NBEA: variants seen among roughly 807,000 people sequenced by gnomAD.
NBEA encodes lysosomal-trafficking regulator 2.
Under a neutral mutation model 343.4 loss-of-function variants are expected in NBEA, and 44 were observed. The observed-to-expected ratio is 0.13, with a 90% confidence interval of 0.10 to 0.16. The LOEUF (loss-of-function observed/expected upper bound fraction) is 0.16, where lower values mean the gene tolerates loss of function less well. Among genes scored for constraint, NBEA ranks in the 10% least tolerant of loss-of-function variants. The pLI is 1.00. For missense variants in NBEA, 2,555 were observed against 3,631.3 expected (o/e 0.70, Z 7.62); for synonymous variants, 1,175 against 1,238.7 (o/e 0.95, Z 1.08).
chr13:35,004,212 C>G (rs1015398428), intron 1 of NBEA, among the ~76,000 whole-genome samples: 2 of 152,074 alleles, frequency 1.3e-5, no homozygotes, highest in African/African-American at 4.8e-5. Flanking sequence ...CATGTCTTTG[C>G]TATTGTGAAT....
At chr13:35,595,382 C>G (rs979489957) in intron 47 of NBEA, among the ~76,000 whole-genome samples, 1 of 151,968 alleles carries the variant, frequency 6.6e-6, no homozygotes, top group Non-Finnish European at 1.5e-5. Context: ...ATAAGAAGCT[C>G]ATTTCCCCAG....
At chr13:35,353,073 A>G (rs948668178) in intron 38 of NBEA, among the ~76,000 whole-genome samples, 3 of 152,180 alleles carry the variant, frequency 2.0e-5, no homozygotes, top group Non-Finnish European at 4.4e-5. Context: ...GGCAGAGTTT[A>G]TTAAATCTGT....
intron 17 of NBEA, among the ~76,000 whole-genome samples, chr13:35,134,557 A>C (rs1183114891): frequency 6.6e-6 from 1 of 152,030 alleles, no homozygotes; most frequent in African/African-American, 2.4e-5. Flanking sequence ...AGAAAATAAA[A>C]GAAAAATTAG....
intron 3 of NBEA, 54 bp downstream of exon 3, chr13:35,045,101 G>A (rs2062800932): frequency 4.1e-6 from 6 of 1,470,286 alleles, no homozygotes; most frequent in Non-Finnish European, 5.6e-6. Context: ...AATACTTAAT[G>A]TTCAAAAGTT....
chr13:35,613,638 T>G (rs1289487192), intron 48 of NBEA, among the ~76,000 whole-genome samples: 2 of 149,218 alleles, frequency 1.3e-5, no homozygotes, highest in African/African-American at 5.0e-5. Context: ...GTTTGTTTGT[T>G]TTGAGACAGT....
intron 8 of NBEA, among the ~76,000 whole-genome samples, chr13:35,064,369 A>G (rs928392495): frequency 6.6e-6 from 1 of 152,026 alleles, no homozygotes; most frequent in Non-Finnish European, 1.5e-5. Flanking sequence ...ACTTGAAGTT[A>G]AATCTCCTTT....
intron 1 of NBEA, among the ~76,000 whole-genome samples, chr13:34,970,590 T>A (rs1413002867): frequency 6.6e-6 from 1 of 152,230 alleles, no homozygotes; most frequent in Admixed American, 6.5e-5. Flanking sequence ...GTTTCCATCT[T>A]CTGCATATGG....
intron 41 of NBEA, among the ~76,000 whole-genome samples, chr13:35,533,632 T>C (rs1294051086): frequency 6.6e-6 from 1 of 152,218 alleles, no homozygotes; most frequent in African/African-American, 2.4e-5. Flanking sequence ...TCTAGCTTAT[T>C]ACTTATAATA....
intron 8 of NBEA, among the ~76,000 whole-genome samples, chr13:35,068,728 A>T (rs1159649984): frequency 6.6e-6 from 1 of 152,228 alleles, no homozygotes; most frequent in Non-Finnish European, 1.5e-5. Context: ...AAAAACTGAC[A>T]TGTTTGGTCT....
intron 40 of NBEA, among the ~76,000 whole-genome samples, chr13:35,463,107 G>A (rs1312663723): frequency 6.6e-6 from 1 of 152,172 alleles, no homozygotes; most frequent in Non-Finnish European, 1.5e-5. Context: ...ATGCCCTGTG[G>A]CACAAGGTTT....
intron 39 of NBEA, among the ~76,000 whole-genome samples, chr13:35,438,398 A>G (rs1369169966): frequency 6.6e-6 from 1 of 152,224 alleles, no homozygotes; most frequent in African/African-American, 2.4e-5. Context: ...GGCAGTGAGA[A>G]TAGAAAAATA....
intron 33 of NBEA, among the ~76,000 whole-genome samples, chr13:35,221,757 A>G (rs1364298566): frequency 6.6e-6 from 1 of 152,136 alleles, no homozygotes; most frequent in Non-Finnish European, 1.5e-5. Context: ...AGAATCATAA[A>G]TCAGATAAAC....
In NBEA at chr13:35,044,827, TATAGAGAG is replaced by T. The variant is rs1273032627; in HGVS notation, c.527-118_527-111del. The T allele has an allele frequency of 1.6e-3, 791 of 505,628 alleles. 2 individuals are homozygous for T. Among genetic ancestry groups the T allele is most frequent in the African/African-American group, 0.014 (689 of 50,734 alleles). 31.3% of individuals were successfully genotyped at this position (505,628 alleles called of 1,614,324 possible). A position where few individuals can be genotyped will look rare whatever the true frequency, so the allele number is the denominator to read the frequency against. On this transcript the variant is annotated intron_variant, in intron 2 of 58. Coordinates refer to ENST00000379939, the MANE Select transcript of NBEA (RefSeq NM_001385012.1). ...GCTGTATTAGATACATATATATATA[TATAGAGAG>T]AGAGAGAGAGAGAGAGATAACAATG...
At chr13:35,181,992 C>G (rs1328079856) in intron 28 of NBEA, among the ~76,000 whole-genome samples, 1 of 151,510 alleles carries the variant, frequency 6.6e-6, no homozygotes, top group Non-Finnish European at 1.5e-5. Context: ...GTATATAAAA[C>G]CCTTGATTTT....
intron 33 of NBEA, among the ~76,000 whole-genome samples, chr13:35,221,759 C>G (rs1010892793): frequency 6.6e-6 from 1 of 152,076 alleles, no homozygotes. Context: ...AATCATAAAT[C>G]AGATAAACCT....
At chr13:35,099,043 T>TG (rs58860342) in intron 11 of NBEA, among the ~76,000 whole-genome samples, 5 of 149,772 alleles carry the variant, frequency 3.3e-5, no homozygotes, top group Non-Finnish European at 5.9e-5. Flanking sequence ...TTTTTTTTTT[T>TG]GAGACAGTGT....
chr13:35,670,218 T>C (rs2085545203), intron 58 of NBEA, among the ~76,000 whole-genome samples: 1 of 152,128 alleles, frequency 6.6e-6, no homozygotes, highest in South Asian at 2.1e-4. Flanking sequence ...GCAGTGGGAC[T>C]GGGGAGGAAT....
intron 11 of NBEA, among the ~76,000 whole-genome samples, chr13:35,105,613 G>A (rs928140444): frequency 3.3e-5 from 5 of 151,942 alleles, no homozygotes; most frequent in African/African-American, 1.2e-4. Context: ...AGCTTGGCTA[G>A]CCTACCTTTG....
chr13:35,081,706 A>G (rs1307785407), intron 10 of NBEA, among the ~76,000 whole-genome samples: 2 of 152,124 alleles, frequency 1.3e-5, no homozygotes, highest in African/African-American at 4.8e-5. Context: ...TTTTTTATAT[A>G]ATCTAACAGC....
Sources: allele counts gnomAD v4.1 joint callset (sites outside exome capture counted in the v4.1 genomes callset), GRCh38; gene constraint gnomAD v4.1.1; transcripts MANE v1.5; gene names NCBI Gene and HGNC (gene_info 2026-07-23, HGNC 2026-07-21).